SH3GL2: variants seen among roughly 807,000 people sequenced by gnomAD.
The protein encoded by SH3GL2 is endophilin-A1.
In SH3GL2, 24 loss-of-function variants were observed where a neutral mutation model predicts 46.0. That is an observed-to-expected ratio of 0.52 (90% CI 0.38 to 0.73). SH3GL2 has a LOEUF of 0.73. Ranked by LOEUF, SH3GL2 falls within the 30% of genes least tolerant of loss-of-function variation. The pLI is 0.00. For missense variants in SH3GL2, 413 were observed against 424.2 expected, an observed-to-expected ratio of 0.97 and a Z score of 0.23; for synonymous variants, 196 against 147.1, an observed-to-expected ratio of 1.33 and a Z score of -2.40.
intron 1 of SH3GL2, chr9:17,590,371 T>C (rs754290762): frequency 6.6e-6 from 1 of 152,186 alleles, no homozygotes; most frequent in Non-Finnish European, 1.5e-5. Flanking sequence ...AGTTTACTGA[T>C]TAATATTAAT....
chr9:17,683,192 A>G (rs774830507), intron 1 of SH3GL2, among the ~76,000 whole-genome samples: 16 of 152,098 alleles, frequency 1.1e-4, no homozygotes, highest in Non-Finnish European at 1.9e-4. Flanking sequence ...AGCTGAATGT[A>G]TCTCAGCATG....
chr9:17,687,817 A>G (rs114900721), intron 1 of SH3GL2, among the ~76,000 whole-genome samples: 292 of 152,210 alleles, frequency 1.9e-3, no homozygotes, highest in African/African-American at 6.8e-3. Context: ...GTATGGGGAA[A>G]GGGTCTCAAA....
chr9:17,787,782 G>T (rs983149445), intron 5 of SH3GL2, among the ~76,000 whole-genome samples: 13 of 152,064 alleles, frequency 8.5e-5, no homozygotes, highest in African/African-American at 3.1e-4. Context: ...TTTTTCTCCA[G>T]AGGATAATAT....
intron 2 of SH3GL2, among the ~76,000 whole-genome samples, chr9:17,748,760 C>T (rs891539254): frequency 9.9e-5 from 15 of 151,904 alleles, no homozygotes; most frequent in African/African-American, 2.7e-4. Flanking sequence ...ACCAGCGTGG[C>T]GAGGAGGAAA....
chr9:17,671,906 G>C (rs1820484204), intron 1 of SH3GL2, among the ~76,000 whole-genome samples: 1 of 152,086 alleles, frequency 6.6e-6, no homozygotes, highest in Non-Finnish European at 1.5e-5. Flanking sequence ...ATTTAATCTT[G>C]TCTCATAATA....
chr9:17,672,727 A>G (rs1469897480), intron 1 of SH3GL2, among the ~76,000 whole-genome samples: 2 of 152,178 alleles, frequency 1.3e-5, no homozygotes, highest in Non-Finnish European at 2.9e-5. Flanking sequence ...CAGACCGTGT[A>G]AATAACTAAC....
intron 3 of SH3GL2, among the ~76,000 whole-genome samples, chr9:17,762,202 G>A (rs1382090802): frequency 6.6e-6 from 1 of 152,070 alleles, no homozygotes; most frequent in African/African-American, 2.4e-5. Flanking sequence ...CTAACCACAG[G>A]GCACGGAAAC....
At chr9:17,580,289 G>C (rs1332153823) in intron 1 of SH3GL2, among the ~76,000 whole-genome samples, 1 of 152,156 alleles carries the variant, frequency 6.6e-6, no homozygotes, top group Non-Finnish European at 1.5e-5. Context: ...GTTTTTCATA[G>C]GTTAGCCTTA....
rs148485529 is a variant in SH3GL2, at chr9:17,749,223, G to T, written c.114+2089G>T. 4.6e-5 allele frequency among the ~76,000 whole-genome samples: 7 copies of T among 152,302 alleles called. No homozygotes were observed. In the East Asian group the frequency reaches 1.3e-3, roughly 29 times the overall value. ...ACCTGATCCTCAACCAAAGCTGGTA[G>T]CCACTAATATCCATAGTTCTGGAAA... On this transcript the variant is annotated intron_variant, in intron 2 of 8. Transcript: ENST00000380607.
chr9:17,786,880 A>T (rs1050833873), intron 4 of SH3GL2, among the ~76,000 whole-genome samples: 3 of 152,134 alleles, frequency 2.0e-5, no homozygotes, highest in Non-Finnish European at 4.4e-5. Context: ...TCCCTGCCTC[A>T]TGGCCTTTTT....
At chr9:17,649,075 A>T (rs1450929381) in intron 1 of SH3GL2, among the ~76,000 whole-genome samples, 1 of 152,112 alleles carries the variant, frequency 6.6e-6, no homozygotes, top group Non-Finnish European at 1.5e-5. Flanking sequence ...TAACTCAAGG[A>T]TTAATCGTAA....
intron 3 of SH3GL2, among the ~76,000 whole-genome samples, chr9:17,762,065 C>T (rs1472536624): frequency 6.6e-6 from 1 of 152,052 alleles, no homozygotes; most frequent in Non-Finnish European, 1.5e-5. Context: ...GATAACGGAG[C>T]TATATGTTGA....
chr9:17,789,869 A>G, intron 6 of SH3GL2: 1 of 658,984 alleles, frequency 1.5e-6, no homozygotes, highest in Non-Finnish European at 1.9e-6. Context: ...AGTAAAAAAC[A>G]GAATGGTTGT....
intron 3 of SH3GL2, among the ~76,000 whole-genome samples, chr9:17,761,769 G>C (rs1823182493): frequency 6.6e-6 from 1 of 152,158 alleles, no homozygotes; most frequent in South Asian, 2.1e-4. Context: ...AAACAGTTCA[G>C]GTGACACATA....
intron 1 of SH3GL2, among the ~76,000 whole-genome samples, chr9:17,638,799 C>T (rs1819606998): frequency 6.6e-6 from 1 of 152,198 alleles, no homozygotes; most frequent in Non-Finnish European, 1.5e-5. Flanking sequence ...CCACCCACCC[C>T]TCCTTGATGT....
At chr9:17,623,978 A>T (rs1819217988) in intron 1 of SH3GL2, among the ~76,000 whole-genome samples, 1 of 152,200 alleles carries the variant, frequency 6.6e-6, no homozygotes, top group Non-Finnish European at 1.5e-5. Context: ...TTTCTGTCTC[A>T]TACAGGTTCT....
chr9:17,754,453 C>T (rs1394186313), intron 2 of SH3GL2, among the ~76,000 whole-genome samples: 3 of 152,044 alleles, frequency 2.0e-5, no homozygotes, highest in Non-Finnish European at 2.9e-5. Flanking sequence ...GTGGGCAGAT[C>T]ATGAGGTCAG....
In SH3GL2 at chr9:17,622,976, G is replaced by GTTTCCTTTCCTTTCCTTTCC. The variant is rs1554631073; in HGVS notation, c.45+43698_45+43699insCTTTCCTTTCCTTTCCTTTC. On this transcript the variant is annotated intron_variant, in intron 1 of 8. Transcript: ENST00000380607. Reference sequence around the variant, plus strand: ...CCCTTCCTCCCTCCCTTTTCCTTTCGTTTCCTTTCGTTTCCTTTCCTTTCC... The same window carrying GTTTCCTTTCCTTTCCTTTCC: ...CCCTTCCTCCCTCCCTTTTCCTTTCGTTTCCTTTCCTTTCCTTTCCTTTCCTTTCGTTTCCTTTCCTTTCC... 1.9e-4 allele frequency among the ~76,000 whole-genome samples: 15 copies of GTTTCCTTTCCTTTCCTTTCC among 78,696 alleles called. 1 individual carries two copies. The highest frequency in any genetic ancestry group is 4.5e-4 in the East Asian group (1 of 2,224). The allele number at this position is 78,696 out of a possible 152,430, so 51.6% of individuals were successfully genotyped here. A position where few individuals can be genotyped will look rare whatever the true frequency, so the allele number is the denominator to read the frequency against.
chr9:17,729,637 A>G (rs879480157), intron 1 of SH3GL2, among the ~76,000 whole-genome samples: 3 of 152,174 alleles, frequency 2.0e-5, no homozygotes, highest in Admixed American at 6.6e-5. Context: ...TAATTTTTGT[A>G]TAAGGTGTAA....
Sources: allele counts gnomAD v4.1 joint callset (sites outside exome capture counted in the v4.1 genomes callset), GRCh38; gene constraint gnomAD v4.1.1; transcripts MANE v1.5; gene names NCBI Gene and HGNC (gene_info 2026-07-23, HGNC 2026-07-21).